DIXDC1: variants seen among roughly 807,000 people sequenced by gnomAD.
The protein encoded by DIXDC1 is DIX domain containing 1.
In DIXDC1, 64 loss-of-function variants were observed where a neutral mutation model predicts 103.1. The ratio of observed to expected loss-of-function variants is 0.62; its 90% CI spans 0.51 to 0.76. The LOEUF (loss-of-function observed/expected upper bound fraction) is 0.76, where lower values mean the gene tolerates loss of function less well. Among genes scored for constraint, DIXDC1 ranks in the 30% least tolerant of loss-of-function variants. DIXDC1 has a pLI of 0.00. For synonymous variants in DIXDC1, 266 were observed against 298.5 expected, an observed-to-expected ratio of 0.89 and a Z score of 1.12; for missense variants, 759 against 834.2, an observed-to-expected ratio of 0.91 and a Z score of 1.11.
chr11:111,995,030 C>T lies in DIXDC1; in HGVS notation c.1449C>T (p.Tyr483=). 9.9e-6 allele frequency: 16 copies of T among 1,613,702 alleles called. No individual in the cohort carries two copies. Among genetic ancestry groups the T allele is most frequent in the Non-Finnish European group, 1.4e-5 (16 of 1,179,890 alleles). Residue 483 remains tyrosine (Y), a synonymous_variant, in exon 15 of 20, where the codon TAC becomes TAT. Transcript: ENST00000440460. ...MKREADEATN[Y]NSHNSQSNGF... ...TCATGCTGCTGTAGGCGACCAACTA[C>T]AACAGTCACAACTCTCAAAGCAATG...
rs1861760193 is a variant in DIXDC1, at chr11:112,021,544, T to A, written c.*2508T>A. On this transcript the variant is annotated 3_prime_UTR_variant, in exon 20 of 20. Transcript: ENST00000440460. Reference sequence around the variant, plus strand: ...TGGGGTAGCTTGTCCTGCTACTTGCTAAAGTTCTCTTTCTTTGAGAAAACT... The same window carrying A: ...TGGGGTAGCTTGTCCTGCTACTTGCAAAAGTTCTCTTTCTTTGAGAAAACT... 1 of 152,222 alleles carries A rather than the reference T, an allele frequency of 6.6e-6. No homozygotes were observed. Among genetic ancestry groups the A allele is most frequent in the African/African-American group, 2.4e-5 (1 of 41,456 alleles). 9.4% of individuals were successfully genotyped at this position (152,222 alleles called of 1,614,324 possible).
Position 111,960,856 on chromosome 11 carries a change from C to A in DIXDC1, c.61-3693C>A, listed in dbSNP as rs147196162. On this transcript the variant is annotated intron_variant, in intron 1 of 19. Coordinates refer to ENST00000440460, the MANE Select transcript of DIXDC1 (RefSeq NM_001037954.4). ...CTTGGTTAAGGGAACTGGACTGTTT[C>A]GCTGGGAAAAGACTCAAATCAGCTT... 1.6e-4 allele frequency among the ~76,000 whole-genome samples: 24 copies of A among 152,148 alleles called. No homozygotes were observed. The East Asian group carries it at 3.9e-3, about 24-fold the overall frequency.
intron 1 of DIXDC1, among the ~76,000 whole-genome samples, chr11:111,960,603 A>C (rs1242729207): frequency 6.6e-6 from 1 of 151,932 alleles, no homozygotes; most frequent in Non-Finnish European, 1.5e-5. Context: ...TTAAAAAAAA[A>C]AAAAAAGAAA....
intron 10 of DIXDC1, among the ~76,000 whole-genome samples, chr11:111,990,257 A>C (rs1274346268): frequency 2.7e-5 from 4 of 150,246 alleles, no homozygotes; most frequent in African/African-American, 9.8e-5. Context: ...CACCCAGCTA[A>C]TTTTTGTATT....
intron 1 of DIXDC1, among the ~76,000 whole-genome samples, chr11:111,941,864 A>ACACACC (rs1236254290): frequency 2.0e-5 from 3 of 151,780 alleles, no homozygotes; most frequent in African/African-American, 7.3e-5. Context: ...ACACACACAC[A>ACACACC]CACACACACC....
intron 4 of DIXDC1, 176 bp downstream of exon 4, chr11:111,974,430 A>T: frequency 1.6e-6 from 1 of 643,058 alleles, no homozygotes; most frequent in Non-Finnish European, 2.6e-6. Flanking sequence ...TTCTTCTGAG[A>T]TGTTTATTTT....
chr11:112,008,414 C>G (rs1271970472), intron 17 of DIXDC1, among the ~76,000 whole-genome samples: 1 of 152,134 alleles, frequency 6.6e-6, no homozygotes, highest in African/African-American at 2.4e-5. Flanking sequence ...GACAGATTAA[C>G]AAGGATATCC....
rs797040464 is a variant in DIXDC1, at chr11:112,017,075, CTTT to C, written c.1862+292_1862+294del. Among the ~76,000 whole-genome samples, 5 of 138,246 alleles carry C rather than the reference CTTT, an allele frequency of 3.6e-5. No homozygotes were observed. Among genetic ancestry groups the C allele is most frequent in the Non-Finnish European group, 3.2e-5 (2 of 62,704 alleles). 90.7% of individuals were successfully genotyped at this position (138,246 alleles called of 152,430 possible). A position where few individuals can be genotyped will look rare whatever the true frequency, so the allele number is the denominator to read the frequency against. ...AATATGGCTCTGCATTTGGGAAAATCTTTTTTTTTTTTTTTAAGTGTTCAAAAT... is the reference window on the plus strand; with the variant it reads ...AATATGGCTCTGCATTTGGGAAAATCTTTTTTTTTTTTAAGTGTTCAAAAT... On this transcript the variant is annotated intron_variant, in intron 18 of 19. Coordinates refer to ENST00000440460, the MANE Select transcript of DIXDC1 (RefSeq NM_001037954.4). This position sits in a 1 kb window ranked among gnomAD's most constrained non-coding sequence, Gnocchi z 4.0.
chr11:111,966,207 GTTTTTTTTTTTTTTTTTTTCCTT>G (rs1208454711), intron 2 of DIXDC1, among the ~76,000 whole-genome samples: 1 of 110,256 alleles, frequency 9.1e-6, no homozygotes, highest in Non-Finnish European at 1.8e-5. Context: ...AAAACCCGGG[GTTTTTTTTTTTTTTTTTTTCCTT>G]TTTTTTTTTT....
intron 2 of DIXDC1, among the ~76,000 whole-genome samples, chr11:111,931,535 C>G (rs1312448761): frequency 6.6e-6 from 1 of 151,602 alleles, no homozygotes; most frequent in African/African-American, 2.4e-5. Flanking sequence ...CCCAGCTGCT[C>G]GAGAGGCTGA....
In DIXDC1 at chr11:111,956,025, G is replaced by T. The variant is rs1156708683; in HGVS notation, c.61-8524G>T. On this transcript the variant is annotated intron_variant, in intron 1 of 19. Transcript: ENST00000440460. Reference sequence around the variant, plus strand: ...ACACACACACACACACACACACACGGTGGACTATTATTCAGCCTTGAAAAG... The same window carrying T: ...ACACACACACACACACACACACACGTTGGACTATTATTCAGCCTTGAAAAG... Among the ~76,000 whole-genome samples, 9 of 105,324 alleles carry T rather than the reference G, an allele frequency of 8.5e-5. No individual in the cohort carries two copies. The East Asian group carries it at 3.1e-3, about 37-fold the overall frequency. 69.1% of individuals were successfully genotyped at this position (105,324 alleles called of 152,430 possible). A position where few individuals can be genotyped will look rare whatever the true frequency, so the allele number is the denominator to read the frequency against.
Position 111,974,105 on chromosome 11 carries a change from G to A in DIXDC1, c.399G>A (p.Thr133=), listed in dbSNP as rs781920025. ...AAHFKPGSSR[T]VNQGRDSRAP... Reference sequence around the variant, plus strand: ...ATTTCAAACCTGGCTCCAGCAGGACGGTGAACCAAGGACGGGACTCCAGAG... The same window carrying A: ...ATTTCAAACCTGGCTCCAGCAGGACAGTGAACCAAGGACGGGACTCCAGAG... The change falls in exon 4 of 20, where the codon ACG becomes ACA. Residue 133 remains threonine, a synonymous_variant. Coordinates refer to ENST00000440460, the MANE Select transcript of DIXDC1 (RefSeq NM_001037954.4). 20 of 1,613,882 alleles carry A rather than the reference G, an allele frequency of 1.2e-5. No individual in the cohort carries two copies. Among genetic ancestry groups the A allele is most frequent in the African/African-American group, 2.7e-5 (2 of 74,926 alleles).
At position 111,989,044 on chromosome 11, in the gene DIXDC1, C is replaced by G; in HGVS notation, c.1102C>G (p.Gln368Glu). Residue 368 changes from glutamine (Q) to glutamate (E), a missense_variant, in exon 10 of 20, where the codon CAG becomes GAG. By Grantham distance (29) the Gln-to-Glu change is conservative. Coordinates refer to ENST00000440460, the MANE Select transcript of DIXDC1 (RefSeq NM_001037954.4). Reference sequence around the variant, plus strand: ...ATGTAAACAAGAAGCCAGAAACTTACAGGGGATAAAGGTAAAAAAGAAGAC... The same window carrying G: ...ATGTAAACAAGAAGCCAGAAACTTAGAGGGGATAAAGGTAAAAAAGAAGAC... Reference protein sequence around the residue: ...LKCKQEARNLQGIKDALQQRL... With the variant: ...LKCKQEARNLEGIKDALQQRL... The G allele has an allele frequency of 6.2e-7, 1 of 1,609,930 alleles. No homozygotes were observed. The highest frequency in any genetic ancestry group is 1.1e-5 in the South Asian group (1 of 90,044).
In DIXDC1 at chr11:111,930,325, C is replaced by CAT. The variant is rs769888223; in HGVS notation, c.57+425_57+426dup. On this transcript the variant is annotated intron_variant, in intron 2 of 5. Coordinates refer to the DIXDC1 transcript ENST00000529225. Reference sequence around the variant, plus strand: ...AATATTCTTGCAGTCACTATATATACATATATATATAGTGAGCAATCTCAG... The same window carrying CAT: ...AATATTCTTGCAGTCACTATATATACATATATATATATAGTGAGCAATCTCAG... Among the ~76,000 whole-genome samples, 71 of 151,830 alleles carry CAT rather than the reference C, an allele frequency of 4.7e-4. No individual in the cohort carries two copies. In the East Asian group the frequency reaches 5.4e-3, roughly 12 times the overall value.
rs376054752 is a variant in DIXDC1 at position 111,937,555 on chromosome 11, A to G, written c.56A>G (p.Asn19Ser). ...NLLDVLQEGFNEQQLQAYVAW... is the reference protein window; with the variant it reads ...NLLDVLQEGFSEQQLQAYVAW... Reference sequence around the variant, plus strand: ...CTGGACGTCCTGCAGGAGGGCTTCAATGAGGTAACTGTCCTGCTCCTCCCA... The same window carrying G: ...CTGGACGTCCTGCAGGAGGGCTTCAGTGAGGTAACTGTCCTGCTCCTCCCA... Residue 19 changes from asparagine to serine, a missense_variant, in exon 1 of 20, where the codon AAT (asparagine) becomes AGT (serine). Asn to Ser is a conservative substitution (Grantham distance 46). Around this residue, in one of 3 missense-constraint regions of DIXDC1, gnomAD observed 97 missense variants for 85.4 expected, o/e 1.14. Coordinates refer to ENST00000440460, the MANE Select transcript of DIXDC1 (RefSeq NM_001037954.4). 5.0e-6 allele frequency: 8 copies of G among 1,591,958 alleles called. No individual in the cohort carries two copies. In the African/African-American group the frequency reaches 1.1e-4, roughly 21 times the overall value.
intron 14 of DIXDC1, 100 bp from the exon 15 acceptor site, chr11:111,994,919 A>C: frequency 9.3e-7 from 1 of 1,072,324 alleles, no homozygotes. Flanking sequence ...ACAATTATAT[A>C]CTTCATCAGG....
At chr11:111,991,824 C>T (rs1860720952) in intron 10 of DIXDC1, among the ~76,000 whole-genome samples, 1 of 152,144 alleles carries the variant, frequency 6.6e-6, no homozygotes, top group Non-Finnish European at 1.5e-5. Context: ...CCATTGGAAG[C>T]AGGATAGCAG....
chr11:111,994,447 A>G (rs587622674), intron 14 of DIXDC1, among the ~76,000 whole-genome samples: 1 of 151,490 alleles, frequency 6.6e-6, no homozygotes, highest in African/African-American at 2.4e-5. Context: ...TCACACATAT[A>G]TATACATACA....
chr11:111,960,519 G>C (rs1033400534), intron 1 of DIXDC1, among the ~76,000 whole-genome samples: 1 of 151,202 alleles, frequency 6.6e-6, no homozygotes, highest in Admixed American at 6.6e-5. Context: ...GCTTGAACCC[G>C]GGAGGCGGAG....
Sources: allele counts gnomAD v4.1 joint callset (sites outside exome capture counted in the v4.1 genomes callset), GRCh38; gene constraint gnomAD v4.1.1; regional missense constraint gnomAD v4.1.1; non-coding constraint Gnocchi (gnomAD v3.1); transcripts MANE v1.5; gene names NCBI Gene and HGNC (gene_info 2026-07-23, HGNC 2026-07-21).